The following BMPER variants were observed in gnomAD, a reference collection of about 807,000 sequenced individuals.
The protein encoded by BMPER is BMP binding endothelial regulator, also known as BMP-binding endothelial regulator protein.
In BMPER, 45 loss-of-function variants were observed where a neutral mutation model predicts 87.3. That is an observed-to-expected ratio of 0.52 (90% CI 0.41 to 0.66). The LOEUF is 0.66. Among genes scored for constraint, BMPER ranks in the 30% least tolerant of loss-of-function variants. BMPER has a pLI of 0.00. For missense variants in BMPER, 784 were observed against 867.5 expected (o/e 0.90, Z 1.21); for synonymous variants, 326 against 316.2 (o/e 1.03, Z -0.33).
intron 6 of BMPER, among the ~76,000 whole-genome samples, chr7:34,025,737 G>C (rs961314824): frequency 2.6e-5 from 4 of 152,044 alleles, no homozygotes; most frequent in Non-Finnish European, 4.4e-5. Context: ...CAGGTCTCAG[G>C]CATGTTTGCT....
In BMPER at chr7:34,051,905, C is replaced by G. The variant is rs1222340958; in HGVS notation, c.721C>G (p.Arg241Gly). 1.9e-6 allele frequency: 3 copies of G among 1,613,900 alleles called. No individual in the cohort carries two copies. The highest frequency in any genetic ancestry group is 2.5e-6 in the Non-Finnish European group (3 of 1,179,900). ...FDLPFGSCLF[R>G]SDVYDNGSSF... ...CCTCCCTTTTGGGAGCTGCCTCTTTCGAAGTGATGTTTATGACAATGGATC... is the reference window on the plus strand; with the variant it reads ...CCTCCCTTTTGGGAGCTGCCTCTTTGGAAGTGATGTTTATGACAATGGATC... The change falls in exon 8 of 15, where the codon CGA becomes GGA. Residue 241 changes from arginine (R) to glycine (G), a missense_variant. Transcript: ENST00000649409.
intron 2 of BMPER, among the ~76,000 whole-genome samples, chr7:33,910,887 A>G (rs1455855482): frequency 6.6e-6 from 1 of 152,198 alleles, no homozygotes; most frequent in Non-Finnish European, 1.5e-5. Flanking sequence ...TCATTGTTCA[A>G]ATTAACTGGC....
At chr7:34,014,194 T>C (rs1786960469) in intron 6 of BMPER, among the ~76,000 whole-genome samples, 2 of 151,892 alleles carry the variant, frequency 1.3e-5, no homozygotes. Context: ...AAAAGGCACA[T>C]TGTGGGTTGC....
intron 6 of BMPER, among the ~76,000 whole-genome samples, chr7:33,986,668 C>A (rs576077186): frequency 6.6e-6 from 1 of 151,942 alleles, no homozygotes. Flanking sequence ...GAGGATGGAA[C>A]GGGGGGTGAG....
At position 34,065,199 on chromosome 7, in the gene BMPER, A is replaced by ACTCTCTCTCTCTCTCTCTCTCTCT. The variant is rs372015069; in HGVS notation, c.1078+3155_1078+3156insTCTCTCTCTCTCTCTCTCTCTCTC. Among the ~76,000 whole-genome samples the ACTCTCTCTCTCTCTCTCTCTCTCT allele has an allele frequency of 1.4e-4, 13 of 94,144 alleles. 1 individual carries two copies. Among genetic ancestry groups the ACTCTCTCTCTCTCTCTCTCTCTCT allele is most frequent in the African/African-American group, 2.7e-4 (7 of 25,504 alleles). The allele number at this position is 94,144 out of a possible 152,430, so 61.8% of individuals were successfully genotyped here. On this transcript the variant is annotated intron_variant, in intron 11 of 14. Transcript: ENST00000649409. Reference sequence around the variant, plus strand: ...CTCTCGGACACACACACACATACACACTCACTCTCTCTCTCTCTCTCTCTC... The same window carrying ACTCTCTCTCTCTCTCTCTCTCTCT: ...CTCTCGGACACACACACACATACACACTCTCTCTCTCTCTCTCTCTCTCTCTCACTCTCTCTCTCTCTCTCTCTC...
intron 6 of BMPER, among the ~76,000 whole-genome samples, chr7:34,030,262 T>C (rs764215268): frequency 1.3e-5 from 2 of 152,074 alleles, no homozygotes; most frequent in African/African-American, 2.4e-5. Flanking sequence ...GGAAGAAACA[T>C]ACAGCTATAG....
At chr7:34,129,622 G>GAAAGAGAGAA (rs1790512640) in intron 13 of BMPER, among the ~76,000 whole-genome samples, 1 of 67,132 alleles carries the variant, frequency 1.5e-5, no homozygotes, top group African/African-American at 6.7e-5. Flanking sequence ...GAGAGAGAGA[G>GAAAGAGAGAA]AGAAAGAGAG....
At chr7:33,931,673 G>A (rs1784484427) in intron 2 of BMPER, among the ~76,000 whole-genome samples, 1 of 152,096 alleles carries the variant, frequency 6.6e-6, no homozygotes, top group African/African-American at 2.4e-5. Flanking sequence ...TAGAAATTCC[G>A]ATGAGAATAT....
chr7:34,142,751 A>G (rs1007345588), intron 13 of BMPER, among the ~76,000 whole-genome samples: 1 of 152,216 alleles, frequency 6.6e-6, no homozygotes, highest in Admixed American at 6.5e-5. Context: ...GTTGGTTACC[A>G]TTTTTGGAAA....
At chr7:33,963,147 AAAG>A (rs1330861915) in intron 3 of BMPER, among the ~76,000 whole-genome samples, 1 of 152,180 alleles carries the variant, frequency 6.6e-6, no homozygotes, top group Non-Finnish European at 1.5e-5. Flanking sequence ...TCATCTGTAA[AAAG>A]AAGGAGATAA....
At chr7:34,136,295 C>A (rs536209507) in intron 13 of BMPER, among the ~76,000 whole-genome samples, 1 of 152,000 alleles carries the variant, frequency 6.6e-6, no homozygotes. Flanking sequence ...TGTACCCCTT[C>A]GATGGAAGGA....
intron 2 of BMPER, among the ~76,000 whole-genome samples, chr7:33,933,147 A>T (rs1585650181): frequency 6.6e-6 from 1 of 152,064 alleles, no homozygotes; most frequent in African/African-American, 2.4e-5. Flanking sequence ...ATCCTTATAG[A>T]GCTTTGTTGC....
chr7:34,064,647 G>A (rs1188366123), intron 11 of BMPER, among the ~76,000 whole-genome samples: 1 of 152,222 alleles, frequency 6.6e-6, no homozygotes, highest in Non-Finnish European at 1.5e-5. Context: ...GGAGGACAGT[G>A]ACTCTGCACC....
At chr7:33,920,944 C>T (rs185657220) in intron 2 of BMPER, among the ~76,000 whole-genome samples, 3 of 152,206 alleles carry the variant, frequency 2.0e-5, no homozygotes, top group South Asian at 2.1e-4. Flanking sequence ...ATGTTGCTTT[C>T]GTGGAACTTT....
At chr7:34,061,954 T>TTTTG in intron 10 of BMPER, 48 bp from the exon 11 acceptor site, 1 of 1,482,898 alleles carries the variant, frequency 6.7e-7, no homozygotes, top group Non-Finnish European at 9.2e-7. Flanking sequence ...GACCCTGTTT[T>TTTTG]TTTTTTTTTT....
At chr7:34,141,913 T>C (rs1285948521) in intron 13 of BMPER, among the ~76,000 whole-genome samples, 1 of 152,180 alleles carries the variant, frequency 6.6e-6, no homozygotes, top group Non-Finnish European at 1.5e-5. Flanking sequence ...AGTGTGTCGA[T>C]TTTATACCCA....
At position 34,155,218 on chromosome 7, in the gene BMPER, T is replaced by C. The variant is rs1791280971; in HGVS notation, c.*1945T>C. ...GTAGGGAAAATCAGTTGACGTTGCCTGGTGGTTCCTACCTTCTGTAAAACG... is the reference window on the plus strand; with the variant it reads ...GTAGGGAAAATCAGTTGACGTTGCCCGGTGGTTCCTACCTTCTGTAAAACG... On this transcript the variant is annotated 3_prime_UTR_variant, in exon 15 of 15. Coordinates refer to ENST00000649409, the MANE Select transcript of BMPER (RefSeq NM_001365308.1). The C allele has an allele frequency of 6.6e-6, 1 of 152,216 alleles. No homozygotes were observed. The highest frequency in any genetic ancestry group is 1.5e-5 in the Non-Finnish European group (1 of 68,052). 9.4% of individuals were successfully genotyped at this position (152,216 alleles called of 1,614,324 possible).
At chr7:33,912,463 C>G (rs1407737305) in intron 2 of BMPER, among the ~76,000 whole-genome samples, 3 of 152,080 alleles carry the variant, frequency 2.0e-5, no homozygotes, top group Non-Finnish European at 4.4e-5. Context: ...TGGGTATCAA[C>G]AGTAAATTGT....
chr7:34,020,760 A>C (rs1040028910), intron 6 of BMPER, among the ~76,000 whole-genome samples: 1 of 151,928 alleles, frequency 6.6e-6, no homozygotes, highest in African/African-American at 2.4e-5. Context: ...CAAGAGCACC[A>C]GTTAGTAGTG....
Sources: allele counts gnomAD v4.1 joint callset (sites outside exome capture counted in the v4.1 genomes callset), GRCh38; gene constraint gnomAD v4.1.1; transcripts MANE v1.5; gene names NCBI Gene and HGNC (gene_info 2026-07-23, HGNC 2026-07-21).